EFHC2: variants seen among roughly 807,000 people sequenced by gnomAD.
EFHC2 encodes the protein EF-hand domain containing 2.
Under a neutral mutation model 52.7 loss-of-function variants are expected in EFHC2, and 18 were observed. That is an observed-to-expected ratio of 0.34 (90% CI 0.24 to 0.51). The LOEUF (loss-of-function observed/expected upper bound fraction) is 0.51, where lower values mean the gene tolerates loss of function less well. EFHC2 is among the 20% of genes least tolerant of loss of function. The pLI is 0.97. For missense variants in EFHC2, 513 were observed against 562.5 expected, an observed-to-expected ratio of 0.91 and a Z score of 0.89; for synonymous variants, 203 against 204.1, an observed-to-expected ratio of 0.99 and a Z score of 0.04.
At chrX:44,172,704 CAG>C (rs762212593) in intron 13 of EFHC2, among the ~76,000 whole-genome samples, 3 of 112,294 alleles carry the variant, frequency 2.7e-5, no homozygotes, top group East Asian at 5.6e-4. Flanking sequence ...GAGAGACTCT[CAG>C]AGTTTATACT....
At chrX:44,324,147 T>C (rs2038038731) in intron 1 of EFHC2, among the ~76,000 whole-genome samples, 1 of 110,651 alleles carries the variant, frequency 9.0e-6, no homozygotes, top group African/African-American at 3.3e-5. Flanking sequence ...TTATAAAACC[T>C]AAGATAATTT....
At chrX:44,164,817 A>G (rs1047478683) in intron 13 of EFHC2, among the ~76,000 whole-genome samples, 54 of 112,295 alleles carry the variant, frequency 4.8e-4, no homozygotes, top group African/African-American at 1.7e-3. Context: ...ACAAAAATTA[A>G]CAAATGATTA....
chrX:44,289,592 G>A (rs2037776985), intron 2 of EFHC2, among the ~76,000 whole-genome samples: 1 of 109,037 alleles, frequency 9.2e-6, no homozygotes, highest in Admixed American at 9.8e-5. Context: ...AATTTGTCAG[G>A]GTAGATCTAA....
intron 4 of EFHC2, among the ~76,000 whole-genome samples, chrX:44,258,887 AG>A (rs2037514730): frequency 9.0e-6 from 1 of 110,530 alleles, no homozygotes; most frequent in Non-Finnish European, 1.9e-5. Context: ...ATCATTAAAA[AG>A]TCAGGAAACA....
intron 4 of EFHC2, among the ~76,000 whole-genome samples, chrX:44,253,009 T>C (rs923975206): frequency 3.6e-5 from 4 of 111,061 alleles, no homozygotes; most frequent in African/African-American, 1.3e-4. Flanking sequence ...GGGCATCGCC[T>C]CACCCGGGAA....
At chrX:44,322,907 C>A (rs1353384992) in intron 1 of EFHC2, among the ~76,000 whole-genome samples, 3 of 109,882 alleles carry the variant, frequency 2.7e-5, no homozygotes. Context: ...CAGCTACTCA[C>A]GAGGCTGAGG....
chrX:44,338,779 G>A (rs1215285687), intron 1 of EFHC2, among the ~76,000 whole-genome samples: 4 of 97,728 alleles, frequency 4.1e-5, no homozygotes, highest in Admixed American at 1.1e-4. Context: ...TTTTTTTATT[G>A]CTGCAAATTC....
intron 2 of EFHC2, among the ~76,000 whole-genome samples, chrX:44,291,927 G>T (rs2037794709): frequency 9.0e-6 from 1 of 111,691 alleles, no homozygotes; most frequent in Admixed American, 9.5e-5. Context: ...AAAAACACTT[G>T]ATATTACTAA....
chrX:44,193,015 T>A (rs1327311941), intron 11 of EFHC2, among the ~76,000 whole-genome samples: 1 of 110,496 alleles, frequency 9.1e-6, no homozygotes, highest in East Asian at 2.9e-4. Context: ...CATTATACCC[T>A]CCTCCCTTGT....
At chrX:44,320,081 T>G (rs2038008756) in intron 1 of EFHC2, among the ~76,000 whole-genome samples, 1 of 111,563 alleles carries the variant, frequency 9.0e-6, no homozygotes, top group African/African-American at 3.3e-5. Flanking sequence ...TAGCTGGGAT[T>G]ACAGGTGCAT....
chrX:44,332,879 C>G (rs758302681), intron 1 of EFHC2, among the ~76,000 whole-genome samples: 54 of 111,920 alleles, frequency 4.8e-4, no homozygotes, highest in Non-Finnish European at 9.4e-5. Context: ...AGACTTATCT[C>G]CTATTTAAGC....
intron 14 of EFHC2, among the ~76,000 whole-genome samples, chrX:44,149,746 G>A (rs1039756020): frequency 1.3e-4 from 15 of 111,527 alleles, no homozygotes; most frequent in African/African-American, 4.2e-4. Context: ...TCAAACTCCC[G>A]GCTTCAAGTT....
intron 11 of EFHC2, among the ~76,000 whole-genome samples, chrX:44,211,796 C>T (rs1399954200): frequency 5.3e-5 from 5 of 94,535 alleles, no homozygotes; most frequent in African/African-American, 1.6e-4. Flanking sequence ...GGCGTGAAGC[C>T]GGGAGGTGGA....
At chrX:44,254,498 C>T (rs929233929) in intron 4 of EFHC2, among the ~76,000 whole-genome samples, 3 of 111,746 alleles carry the variant, frequency 2.7e-5, no homozygotes, top group Non-Finnish European at 5.6e-5. Context: ...ATAGCTGAAT[C>T]GATTAAGCAG....
At chrX:44,315,848 C>T (rs762625763) in intron 1 of EFHC2, among the ~76,000 whole-genome samples, 1 of 111,221 alleles carries the variant, frequency 9.0e-6, no homozygotes, top group Non-Finnish European at 1.9e-5. Flanking sequence ...AAGTCAAGGT[C>T]AAGTTTGGAA....
intron 4 of EFHC2, among the ~76,000 whole-genome samples, chrX:44,251,472 GT>G (rs2037446732): frequency 1.0e-5 from 1 of 100,276 alleles, no homozygotes; most frequent in South Asian, 4.8e-4. Context: ...CCGGTGGCAG[GT>G]GCCAGTAATC....
intron 1 of EFHC2, among the ~76,000 whole-genome samples, chrX:44,315,216 T>C (rs1464029760): frequency 9.0e-6 from 1 of 111,124 alleles, no homozygotes; most frequent in Non-Finnish European, 1.9e-5. Flanking sequence ...TCCACCATGA[T>C]TGGAAGCTTT....
intron 11 of EFHC2, among the ~76,000 whole-genome samples, chrX:44,227,607 C>A (rs1303986840): frequency 2.7e-5 from 3 of 111,388 alleles, no homozygotes; most frequent in African/African-American, 9.8e-5. Context: ...CCATTGAGTT[C>A]CCCACCCTCA....
intron 11 of EFHC2, among the ~76,000 whole-genome samples, chrX:44,223,295 T>C (rs1397995867): frequency 2.7e-5 from 3 of 112,185 alleles, no homozygotes; most frequent in Non-Finnish European, 3.8e-5. Flanking sequence ...TTGCCAGAAA[T>C]AGTGGTAGTT....
Sources: allele counts gnomAD v4.1 joint callset (sites outside exome capture counted in the v4.1 genomes callset), GRCh38; gene constraint gnomAD v4.1.1; transcripts MANE v1.5; gene names NCBI Gene and HGNC (gene_info 2026-07-23, HGNC 2026-07-21).